KLF5: variants seen among roughly 807,000 people sequenced by gnomAD.
KLF5 encodes KLF transcription factor 5.
Under a neutral mutation model 36.9 loss-of-function variants are expected in KLF5, and 9 were observed. The observed-to-expected ratio is 0.24, with a 90% CI of 0.15 to 0.43. KLF5 has a LOEUF of 0.43. Ranked by LOEUF, KLF5 falls within the 20% of genes least tolerant of loss-of-function variation. KLF5 has a pLI of 1.00. For missense variants in KLF5, 524 were observed against 599.5 expected (o/e 0.87, Z 1.31); for synonymous variants, 246 against 241.7 (o/e 1.02, Z -0.17).
chr13:73,067,311 T>A (rs2044687095), intron 3 of KLF5, among the ~76,000 whole-genome samples: 1 of 152,244 alleles, frequency 6.6e-6, no homozygotes, highest in Non-Finnish European at 1.5e-5. Flanking sequence ...TTTTCTTTAA[T>A]ATAATGAACA....
At chr13:73,069,858 A>G (rs2044710255) in intron 3 of KLF5, among the ~76,000 whole-genome samples, 1 of 152,230 alleles carries the variant, frequency 6.6e-6, no homozygotes, top group Admixed American at 6.5e-5. Flanking sequence ...TTCATAGACT[A>G]AATAGAATTG....
chr13:73,062,664 A>G lies in KLF5; in HGVS notation c.1065A>G (p.Gln355=), dbSNP rs1299237174. 3.1e-6 allele frequency: 5 copies of G among 1,613,946 alleles called. No homozygotes were observed. In the South Asian group the frequency reaches 4.4e-5, roughly 14 times the overall value. ...TTLPVNSQNI[Q]PVRYNRRSNP... is the part of the protein sequence containing the mutation. ...TGCCAGTTAACTCACAAAACATCCAACCTGTCAGATACAATAGAAGGAGTA... is the reference window on the plus strand; with the variant it reads ...TGCCAGTTAACTCACAAAACATCCAGCCTGTCAGATACAATAGAAGGAGTA... The change falls in exon 2 of 4, where the codon CAA becomes CAG. Residue 355 remains glutamine (Q), a synonymous_variant. Transcript: ENST00000377687.
intron 3 of KLF5, among the ~76,000 whole-genome samples, chr13:73,066,782 A>G (rs777812600): frequency 2.6e-5 from 4 of 152,220 alleles, no homozygotes; most frequent in Non-Finnish European, 4.4e-5. Context: ...TTCTTAAACC[A>G]GAAGTATAGC....
intron 1 of KLF5, among the ~76,000 whole-genome samples, chr13:73,060,939 C>T (rs184006223): frequency 3.3e-5 from 5 of 152,272 alleles, no homozygotes; most frequent in African/African-American, 1.2e-4. Context: ...TGTCAATTTT[C>T]TGCTCTGGAG....
At chr13:73,063,166 A>G (rs1303131650) in intron 2 of KLF5, among the ~76,000 whole-genome samples, 2 of 152,112 alleles carry the variant, frequency 1.3e-5, no homozygotes, top group African/African-American at 2.4e-5. Context: ...AGGGTGGGGG[A>G]AAATAAGGTT....
Position 73,062,317 on chromosome 13 carries a change from C to T in KLF5, c.718C>T (p.Pro240Ser), listed in dbSNP as rs373255152. The T allele has an allele frequency of 1.5e-5, 25 of 1,614,156 alleles. No individual in the cohort carries two copies. Among genetic ancestry groups the T allele is most frequent in the East Asian group, 2.2e-5 (1 of 44,886 alleles). Reference protein sequence around the residue: ...QLLNTPDLDMPSSTNQTAAMD... With the variant: ...QLLNTPDLDMSSSTNQTAAMD... ...ACTGAATACACCGGATCTAGATATG[C>T]CCAGTTCTACAAATCAGACAGCAGC... Residue 240 changes from proline (P) to serine (S), a missense_variant, in exon 2 of 4, where the codon CCC becomes TCC. Transcript: ENST00000377687.
rs187578044 is a variant in KLF5, at chr13:73,077,525, A to T, written c.*1639A>T. ...GACAATTTTTTTTTTGGAAAATAAA[A>T]AGTGCCTAAAAGATGTATGTGGTGC... is the stretch of plus-strand genomic sequence containing the variant. On this transcript the variant is annotated 3_prime_UTR_variant, in exon 4 of 4. Coordinates refer to ENST00000377687, the MANE Select transcript of KLF5 (RefSeq NM_001730.5). 45 of 152,790 alleles carry T rather than the reference A, an allele frequency of 2.9e-4. No homozygotes were observed. In the East Asian group the frequency reaches 8.5e-3, roughly 29 times the overall value. The allele number at this position is 152,790 out of a possible 1,614,324, so 9.5% of individuals were successfully genotyped here.
chr13:73,059,831 C>T, intron 1 of KLF5: 2 of 958,230 alleles, frequency 2.1e-6, no homozygotes, highest in Non-Finnish European at 2.5e-6. Context: ...GCGGGTCGGC[C>T]TGGGAGAGGT....
chr13:73,073,120 C>T (rs1305298828), intron 3 of KLF5, among the ~76,000 whole-genome samples: 1 of 152,182 alleles, frequency 6.6e-6, no homozygotes, highest in Non-Finnish European at 1.5e-5. Flanking sequence ...TGAAATATAA[C>T]TTAAAGGAAG....
chr13:73,057,887 G>T (rs1176505269), upstream of KLF5, among the ~76,000 whole-genome samples: 3 of 152,200 alleles, frequency 2.0e-5, no homozygotes, highest in Admixed American at 6.5e-5. Flanking sequence ...TTCCTTAGGT[G>T]ATTGCTGGCA....
Position 73,059,317 on chromosome 13 carries a change from C to T in KLF5, c.-11C>T. The T allele has an allele frequency of 7.3e-7, 1 of 1,371,478 alleles. No individual in the cohort carries two copies. 85.0% of individuals were successfully genotyped at this position (1,371,478 alleles called of 1,614,324 possible). A position where few individuals can be genotyped will look rare whatever the true frequency, so the allele number is the denominator to read the frequency against. On this transcript the variant is annotated 5_prime_UTR_variant, in exon 1 of 4. Coordinates refer to ENST00000377687, the MANE Select transcript of KLF5 (RefSeq NM_001730.5). ...CCCGACCCGCGCCTGGAGCTGCGCC[C>T]CCGAGTGCCCATGGCTACAAGGGTG...
At chr13:73,057,049 T>C (rs190512086), upstream of KLF5, among the ~76,000 whole-genome samples, 136 of 152,186 alleles carry the variant, frequency 8.9e-4, no homozygotes, top group Admixed American at 2.5e-3. Context: ...AAAACTTAGG[T>C]TGAAAGACCG....
At chr13:73,058,165 G>A (rs2044595827), upstream of KLF5, among the ~76,000 whole-genome samples, 1 of 152,210 alleles carries the variant, frequency 6.6e-6, no homozygotes, top group Admixed American at 6.5e-5. Flanking sequence ...ACACGTTTGA[G>A]CTAGTCGTGC....
Position 73,076,150 on chromosome 13 carries a change from C to A in KLF5, c.*264C>A. The A allele has an allele frequency of 4.7e-4, 123 of 259,360 alleles. No homozygotes were observed. Among genetic ancestry groups the A allele is most frequent in the Middle Eastern group, 2.2e-3 (2 of 900 alleles). 16.1% of individuals were successfully genotyped at this position (259,360 alleles called of 1,614,324 possible). A position where few individuals can be genotyped will look rare whatever the true frequency, so the allele number is the denominator to read the frequency against. ...CATCTCATGACAGGCAGCCACGTCTCAACATGGGTAAGGGGTGGGGGTGGA... is the reference window on the plus strand; with the variant it reads ...CATCTCATGACAGGCAGCCACGTCTAAACATGGGTAAGGGGTGGGGGTGGA... On this transcript the variant is annotated 3_prime_UTR_variant, in exon 4 of 4. Coordinates refer to ENST00000377687, the MANE Select transcript of KLF5 (RefSeq NM_001730.5).
intron 1 of KLF5, among the ~76,000 whole-genome samples, chr13:73,060,157 TAAAAAAAA>T (rs535575783): frequency 1.7e-5 from 2 of 116,680 alleles, no homozygotes; most frequent in Admixed American, 9.1e-5. Flanking sequence ...TATTTTTCCT[TAAAAAAAA>T]AAAAAAAAAA....
chr13:73,071,752 T>C lies in KLF5; in HGVS notation c.1196-3956T>C, dbSNP rs920826590. 1.3e-5 allele frequency among the ~76,000 whole-genome samples: 2 copies of C among 152,216 alleles called. 1 individual carries two copies. Among genetic ancestry groups the C allele is most frequent in the South Asian group, 4.1e-4 (2 of 4,830 alleles). ...TTTCCTCTTGAAATAAGAGCCCATT[T>C]TGAGCTTCAAGGACTCTTAAGTTCT... On this transcript the variant is annotated intron_variant, in intron 3 of 3. Transcript: ENST00000377687.
chr13:73,074,160 TTGTC>T (rs1382917915), intron 3 of KLF5, among the ~76,000 whole-genome samples: 8 of 152,182 alleles, frequency 5.3e-5, no homozygotes, highest in East Asian at 3.8e-4. Flanking sequence ...ACTTTCTTCT[TTGTC>T]TGAGAGTCAG....
At position 73,060,173 on chromosome 13, in the gene KLF5, A is replaced by T. The variant is rs2044623223; in HGVS notation, c.261+585A>T. On this transcript the variant is annotated intron_variant, in intron 1 of 3. Coordinates refer to ENST00000377687, the MANE Select transcript of KLF5 (RefSeq NM_001730.5). ...ATTTTTCCTTAAAAAAAAAAAAAAA[A>T]AAAAAAGACCGGGGGTGTTGTTTTC... Among the ~76,000 whole-genome samples, 8 of 151,474 alleles carry T rather than the reference A, an allele frequency of 5.3e-5. No individual in the cohort carries two copies. The South Asian group carries it at 1.7e-3, about 32-fold the overall frequency.
chr13:73,058,971 T>G, upstream of KLF5: 6 of 171,248 alleles, frequency 3.5e-5, no homozygotes, highest in Admixed American at 6.3e-5. Context: ...CCCCCCGGAG[T>G]TGGGTGAAAT....
Sources: gnomAD v4.1 joint callset for allele counts (sites outside exome capture counted in the v4.1 genomes callset) on GRCh38, gnomAD v4.1.1 for gene constraint, MANE v1.5 for transcripts, NCBI Gene and HGNC (gene_info 2026-07-23, HGNC 2026-07-21) for gene names.